The following PTPRD variants were observed in gnomAD, a reference collection of about 807,000 sequenced individuals.
The protein encoded by PTPRD is protein tyrosine phosphatase receptor type D.
PTPRD carries 34 observed loss-of-function variants against 214.5 expected under a neutral mutation model. The ratio of observed to expected loss-of-function variants is 0.16; its 90% confidence interval spans 0.12 to 0.21. The LOEUF (loss-of-function observed/expected upper bound fraction) is 0.21. Among genes scored for constraint, PTPRD ranks in the 10% least tolerant of loss-of-function variants. The pLI is 1.00. For missense variants in PTPRD, 2,545 were observed against 2,398.7 expected, an observed-to-expected ratio of 1.06 and a Z score of -1.27; for synonymous variants, 1,128 against 845.7, an observed-to-expected ratio of 1.33 and a Z score of -5.79.
chr9:8,607,095 A>G (rs545434225), intron 14 of PTPRD, among the ~76,000 whole-genome samples: 27 of 152,320 alleles, frequency 1.8e-4, no homozygotes, highest in African/African-American at 6.5e-4. Context: ...TAGGAGAAAC[A>G]AGTTCAAGAG....
At chr9:9,402,262 A>G (rs1362199324) in intron 8 of PTPRD, among the ~76,000 whole-genome samples, 1 of 152,138 alleles carries the variant, frequency 6.6e-6, no homozygotes, top group Non-Finnish European at 1.5e-5. Flanking sequence ...GGAAATGGTT[A>G]ATATGCAGTC....
At chr9:9,395,973 G>C (rs2067651879) in intron 9 of PTPRD, among the ~76,000 whole-genome samples, 1 of 151,894 alleles carries the variant, frequency 6.6e-6, no homozygotes, top group Non-Finnish European at 1.5e-5. Flanking sequence ...TTATATTTTT[G>C]TAAAATCTTG....
chr9:9,960,661 C>A (rs2094298460), intron 4 of PTPRD, among the ~76,000 whole-genome samples: 1 of 152,148 alleles, frequency 6.6e-6, no homozygotes, highest in Non-Finnish European at 1.5e-5. Context: ...AAACAGGAGA[C>A]AAATTCTAAC....
At chr9:8,565,358 T>C (rs1239314333) in intron 14 of PTPRD, among the ~76,000 whole-genome samples, 1 of 152,216 alleles carries the variant, frequency 6.6e-6, no homozygotes, top group Non-Finnish European at 1.5e-5. Context: ...GAGAACCATA[T>C]TTGGTTGCTT....
intron 11 of PTPRD, among the ~76,000 whole-genome samples, chr9:8,986,539 T>C (rs2099346059): frequency 6.6e-6 from 1 of 151,860 alleles, no homozygotes; most frequent in African/African-American, 2.4e-5. Flanking sequence ...ATCATAAAAA[T>C]CTACTTTTGT....
chr9:8,926,056 C>G (rs2098888123), intron 11 of PTPRD, among the ~76,000 whole-genome samples: 1 of 151,864 alleles, frequency 6.6e-6, no homozygotes, highest in African/African-American at 2.4e-5. Context: ...ATAGAAAGTA[C>G]CACCTCTTGC....
Position 8,581,469 on chromosome 9 carries a change from C to A in PTPRD, c.352+51848G>T, listed in dbSNP as rs886086428. Among the ~76,000 whole-genome samples the A allele has an allele frequency of 3.7e-4, 56 of 152,152 alleles. 1 individual carries two copies. Among genetic ancestry groups the A allele is most frequent in the Admixed American group, 6.5e-5 (1 of 15,270 alleles). ...TAAAGAAAGAAAAGGGTGGCCGGGG[C>A]CGGGCGCAGTGGCTCACGCCTGTAA... On this transcript the variant is annotated intron_variant, in intron 14 of 45. Coordinates refer to ENST00000381196, the MANE Select transcript of PTPRD (RefSeq NM_002839.4).
chr9:8,389,976 T>C (rs551265506), intron 36 of PTPRD, among the ~76,000 whole-genome samples: 34 of 152,268 alleles, frequency 2.2e-4, no homozygotes, highest in African/African-American at 8.2e-4. Flanking sequence ...CTTGAGCAAG[T>C]TGCTCAAGTT....
chr9:9,794,187 A>T (rs1565316066), intron 5 of PTPRD, among the ~76,000 whole-genome samples: 1 of 147,206 alleles, frequency 6.8e-6, no homozygotes, highest in Non-Finnish European at 1.5e-5. Context: ...GTATATATAC[A>T]TATGTGTGTG....
chr9:9,233,513 C>A (rs1224199294), intron 9 of PTPRD, among the ~76,000 whole-genome samples: 19 of 152,148 alleles, frequency 1.2e-4, no homozygotes, highest in Non-Finnish European at 1.5e-5. Flanking sequence ...CCCAACAGTC[C>A]TCCAAAGTGT....
chr9:8,853,448 T>G (rs1221115690), intron 11 of PTPRD, among the ~76,000 whole-genome samples: 3 of 152,164 alleles, frequency 2.0e-5, no homozygotes, highest in African/African-American at 7.2e-5. Flanking sequence ...GGACACTTTG[T>G]GGAAACAGAT....
At chr9:9,556,654 T>A (rs2081588268) in intron 8 of PTPRD, among the ~76,000 whole-genome samples, 1 of 152,198 alleles carries the variant, frequency 6.6e-6, no homozygotes, top group African/African-American at 2.4e-5. Flanking sequence ...ATGAATTGTT[T>A]AAAGTATATA....
intron 3 of PTPRD, among the ~76,000 whole-genome samples, chr9:10,291,878 A>C (rs889085893): frequency 7.9e-5 from 12 of 152,034 alleles, no homozygotes; most frequent in African/African-American, 2.9e-4. Flanking sequence ...CCTTGGAGCC[A>C]CTCATTTATA....
At position 9,856,378 on chromosome 9, in the gene PTPRD, T is replaced by A. The variant is rs1047017185; in HGVS notation, c.-368+82129A>T. On this transcript the variant is annotated intron_variant, in intron 5 of 45. Coordinates refer to ENST00000381196, the MANE Select transcript of PTPRD (RefSeq NM_002839.4). ...AGCCACGGTCTCAGGGTTTTTGGCT[T>A]GAGGGTAGGGCTTCACCAGGGACCC... 1.3e-5 allele frequency among the ~76,000 whole-genome samples: 2 copies of A among 152,234 alleles called. 1 individual carries two copies.
intron 2 of PTPRD, among the ~76,000 whole-genome samples, chr9:10,493,630 G>T (rs2041098671): frequency 6.6e-6 from 1 of 152,014 alleles, no homozygotes; most frequent in African/African-American, 2.4e-5. Flanking sequence ...TTGGTCAATT[G>T]TTGAGGACTG....
intron 4 of PTPRD, among the ~76,000 whole-genome samples, chr9:9,972,109 T>C (rs2095135263): frequency 1.3e-5 from 2 of 152,190 alleles, no homozygotes; most frequent in Admixed American, 1.3e-4. Flanking sequence ...TTATACTATA[T>C]TCCTATTTAT....
At chr9:10,233,807 A>G (rs2099620278) in intron 3 of PTPRD, among the ~76,000 whole-genome samples, 1 of 151,982 alleles carries the variant, frequency 6.6e-6, no homozygotes. Context: ...AAATATCTAA[A>G]TATTTAAGAA....
intron 2 of PTPRD, among the ~76,000 whole-genome samples, chr9:10,502,191 A>T (rs2043988913): frequency 6.6e-6 from 1 of 152,020 alleles, no homozygotes; most frequent in South Asian, 2.1e-4. Context: ...TTGTCAAATT[A>T]AGGAAAACCT....
At chr9:9,238,793 G>C (rs183556079) in intron 9 of PTPRD, among the ~76,000 whole-genome samples, 1 of 152,218 alleles carries the variant, frequency 6.6e-6, no homozygotes, top group Admixed American at 6.5e-5. Context: ...AGAGACCCAA[G>C]ATTAAACAAA....
Sources: allele counts gnomAD v4.1 joint callset (sites outside exome capture counted in the v4.1 genomes callset), GRCh38; gene constraint gnomAD v4.1.1; transcripts MANE v1.5; gene names NCBI Gene and HGNC (gene_info 2026-07-23, HGNC 2026-07-21).